The following BOP1 variants were observed in gnomAD, a reference collection of about 807,000 sequenced individuals.
BOP1 encodes the protein ribosome biogenesis protein BOP1.
In BOP1, 54 loss-of-function variants were observed where a neutral mutation model predicts 82.9. That is an observed-to-expected ratio of 0.65 (90% CI 0.52 to 0.82). BOP1 has a LOEUF of 0.82. Among genes scored for constraint, BOP1 ranks in the 40% least tolerant of loss-of-function variants. The pLI is 0.00. For missense variants in BOP1, 1,170 were observed against 1,072.0 expected (o/e 1.09, Z -1.28); for synonymous variants, 566 against 451.1 (o/e 1.25, Z -3.23).
At chr8:144,264,458 G>C (rs960368408) in intron 6 of BOP1, 21 bp from the exon 7 acceptor site, 1 of 1,606,602 alleles carries the variant, frequency 6.2e-7, no homozygotes, top group Non-Finnish European at 8.5e-7. Flanking sequence ...AGCCGGGTCA[G>C]GACGGGCAGT....
chr8:144,279,290 G>T (rs1233511851), intron 2 of BOP1, among the ~76,000 whole-genome samples: 1 of 150,594 alleles, frequency 6.6e-6, no homozygotes, highest in East Asian at 2.0e-4. Flanking sequence ...AACTGCCACA[G>T]GTCCCCTATA....
chr8:144,276,104 C>T (rs1384849756), intron 3 of BOP1, 120 bp downstream of exon 3: 133 of 1,173,302 alleles, frequency 1.1e-4, no homozygotes, highest in Middle Eastern at 2.8e-4. Context: ...TCCAACAGTG[C>T]GGCCCACCTG....
At chr8:144,280,236 T>G (rs960225630) in intron 2 of BOP1, among the ~76,000 whole-genome samples, 1 of 151,990 alleles carries the variant, frequency 6.6e-6, no homozygotes, top group East Asian at 1.9e-4. Context: ...AGAGCGGAGT[T>G]TACCACCAGC....
rs1011018903 is a variant in BOP1, at chr8:144,263,110, C to T, written c.1637G>A (p.Gly546Glu). The change falls in exon 13 of 16, where the codon GGG becomes GAG. Residue 546 changes from glycine to glutamate, a missense_variant. Physicochemically the swap from Gly to Glu is moderately conservative, Grantham distance 98. Coordinates refer to ENST00000569669, the MANE Select transcript of BOP1 (RefSeq NM_015201.5). ...GGCCAGCACCACGGCCAGGTAGTCC[C>T]CACGCCCGTGCCAGGTCACCTGCGT... ...PVTQVTWHGRGDYLAVVLATQ... is the reference protein window; with the variant it reads ...PVTQVTWHGREDYLAVVLATQ... The T allele has an allele frequency of 2.5e-6, 4 of 1,593,322 alleles. No homozygotes were observed.
chr8:144,262,747 C>A, intron 13 of BOP1, 75 bp from the exon 14 acceptor site: 2 of 1,502,864 alleles, frequency 1.3e-6, no homozygotes, highest in Non-Finnish European at 1.8e-6. Context: ...TCACCTACAC[C>A]CCTCACCTGC....
At position 144,278,701 on chromosome 8, in the gene BOP1, G is replaced by A. The variant is rs74773398; in HGVS notation, c.310-2397C>T. 2.6e-4 allele frequency among the ~76,000 whole-genome samples: 40 copies of A among 152,114 alleles called. 1 individual carries two copies. In the East Asian group the frequency reaches 6.8e-3, roughly 26 times the overall value. ...GCCAAGGACACCAAGACAACCCAGC[G>A]CTGCACCACAGACCCCACACCCAGC... is the stretch of plus-strand genomic sequence containing the variant. On this transcript the variant is annotated intron_variant, in intron 2 of 15. Coordinates refer to ENST00000569669, the MANE Select transcript of BOP1 (RefSeq NM_015201.5).
chr8:144,267,572 G>C (rs1398168189), intron 3 of BOP1, among the ~76,000 whole-genome samples: 1 of 152,264 alleles, frequency 6.6e-6, no homozygotes, highest in Non-Finnish European at 1.5e-5. Flanking sequence ...AGAGAGGAAG[G>C]ACCCCGGGTT....
rs1845274652 is a variant in BOP1, at chr8:144,263,304, GCTC to G, written c.1519_1521del (p.Glu507del). On this transcript the variant is annotated inframe_deletion, in exon 12 of 16. Coordinates refer to ENST00000569669, the MANE Select transcript of BOP1 (RefSeq NM_015201.5). ...AGCCAGCGGGCCGGCTGCAAGGGGG[GCTC>G]CTCAGGCGGGACGAAGGCGCTCAAC... The G allele has an allele frequency of 1.3e-6, 2 of 1,593,950 alleles. No homozygotes were observed. The highest frequency in any genetic ancestry group is 1.7e-6 in the Non-Finnish European group (2 of 1,178,794).
At chr8:144,279,803 A>G (rs2130248428) in intron 2 of BOP1, among the ~76,000 whole-genome samples, 1 of 152,214 alleles carries the variant, frequency 6.6e-6, no homozygotes, top group East Asian at 1.9e-4. Context: ...GGCACAGGAG[A>G]CCACGTCCTT....
intron 3 of BOP1, among the ~76,000 whole-genome samples, chr8:144,274,670 G>T (rs1472200956): frequency 6.6e-6 from 1 of 152,178 alleles, no homozygotes; most frequent in African/African-American, 2.4e-5. Context: ...CATCACTGGA[G>T]GAAGCAGCCC....
At chr8:144,269,867 A>T (rs1014638147) in intron 3 of BOP1, among the ~76,000 whole-genome samples, 48 of 152,304 alleles carry the variant, frequency 3.2e-4, no homozygotes, top group Non-Finnish European at 5.6e-4. Context: ...AGTGAGGAGC[A>T]GGGTGGACCC....
chr8:144,262,308 C>T lies in BOP1; in HGVS notation c.2097G>A (p.Leu699=), dbSNP rs1845211815. The T allele has an allele frequency of 2.5e-6, 4 of 1,612,698 alleles. No individual in the cohort carries two copies. Among genetic ancestry groups the T allele is most frequent in the South Asian group, 1.1e-5 (1 of 91,048 alleles). ...VCHGMVYNDL[L]QNPLLVPVKV... is the part of the protein sequence containing the mutation. ...TGACGGGCACCAGCAAGGGGTTCTG[C>T]AGAAGGTCACTGTGGGGACGAGGAG... Residue 699 remains leucine, a synonymous_variant, in exon 16 of 16, where the codon CTG becomes CTA. Transcript: ENST00000569669.
chr8:144,264,430 C>A lies in BOP1; in HGVS notation c.773G>T (p.Arg258Leu). Residue 258 changes from arginine to leucine, a missense_variant, in exon 7 of 16, where the codon CGC becomes CTC. By Grantham distance (102) the Arg-to-Leu change is moderately radical. Coordinates refer to ENST00000569669, the MANE Select transcript of BOP1 (RefSeq NM_015201.5). ...PSLVEKEKVS[R>L]MVHAIKMGWI... ...GCCCATCTTGATGGCGTGCACCATGCGAGAGACCTGCATAGACAGCCGGGT... is the reference window on the plus strand; with the variant it reads ...GCCCATCTTGATGGCGTGCACCATGAGAGAGACCTGCATAGACAGCCGGGT... The A allele has an allele frequency of 6.2e-7, 1 of 1,603,310 alleles. No homozygotes were observed. Among genetic ancestry groups the A allele is most frequent in the Non-Finnish European group, 8.5e-7 (1 of 1,179,662 alleles).
In BOP1 at chr8:144,265,083, G is replaced by A; in HGVS notation, c.391-12C>T. On this transcript the variant is annotated splice_polypyrimidine_tract_variant and intron_variant, in intron 3 of 15. Coordinates refer to ENST00000569669, the MANE Select transcript of BOP1 (RefSeq NM_015201.5). ...GTGTTCCGGATGTCCTGCAGCCGGG[G>A]GCCACCATGTCGGCATCTGATCCTA... is the stretch of plus-strand genomic sequence containing the variant. 5 of 1,605,368 alleles carry A rather than the reference G, an allele frequency of 3.1e-6. No individual in the cohort carries two copies. Among genetic ancestry groups the A allele is most frequent in the South Asian group, 2.2e-5 (2 of 90,226 alleles).
At chr8:144,265,411 T>G in intron 3 of BOP1, 1 of 425,254 alleles carries the variant, frequency 2.4e-6, no homozygotes, top group South Asian at 3.1e-5. Flanking sequence ...ACGGGCTCCC[T>G]CCCCTGGCAG....
chr8:144,277,835 C>CGG (rs1845594497), intron 2 of BOP1, among the ~76,000 whole-genome samples: 1 of 56,724 alleles, frequency 1.8e-5, no homozygotes, highest in South Asian at 5.7e-4. Flanking sequence ...GGGGCGGCCA[C>CGG]TGCTGGGAAC....
intron 2 of BOP1, among the ~76,000 whole-genome samples, chr8:144,286,913 G>A (rs1294424653): frequency 2.0e-5 from 3 of 152,250 alleles, no homozygotes; most frequent in Non-Finnish European, 4.4e-5. Context: ...TGCTCCAGGG[G>A]CCAGGAGACA....
intron 13 of BOP1, 59 bp from the exon 14 acceptor site, chr8:144,262,731 T>C (rs7012034): frequency 0.034 from 52,083 of 1,520,698 alleles, 1,248 homozygotes; most frequent in African/African-American, 0.12. Flanking sequence ...TGCACTGCCC[T>C]GCCCGTCACC....
chr8:144,272,325 T>C (rs1845504724), intron 3 of BOP1, among the ~76,000 whole-genome samples: 1 of 152,086 alleles, frequency 6.6e-6, no homozygotes, highest in East Asian at 1.9e-4. Flanking sequence ...TCTGGAGACT[T>C]TTCCCCCAGT....
Sources: gnomAD v4.1 joint callset for allele counts (sites outside exome capture counted in the v4.1 genomes callset) on GRCh38, gnomAD v4.1.1 for gene constraint, MANE v1.5 for transcripts, NCBI Gene and HGNC (gene_info 2026-07-23, HGNC 2026-07-21) for gene names.